MCUB: variants seen among roughly 807,000 people sequenced by gnomAD.
The protein encoded by MCUB is calcium uniporter regulatory subunit MCUb, mitochondrial.
A neutral mutation model predicts 41.4 loss-of-function variants in MCUB; 46 were observed. The observed-to-expected ratio is 1.11, with a 90% CI of 0.88 to 1.42. MCUB has a LOEUF of 1.42. MCUB is among the 40% of genes most tolerant of loss of function. The probability of loss-of-function intolerance (pLI) is 0.00; values close to 1 mark genes in which losing one functional copy is unlikely to be tolerated. For missense variants in MCUB, 403 were observed against 404.9 expected (o/e 1.00, Z 0.04); for synonymous variants, 148 against 148.2 (o/e 1.00, Z 0.01).
chr4:109,676,585 A>G (rs1302269945), intron 4 of MCUB, among the ~76,000 whole-genome samples: 1 of 152,176 alleles, frequency 6.6e-6, no homozygotes, highest in Non-Finnish European at 1.5e-5. Flanking sequence ...GCCTTTGCCC[A>G]TTACCAAATT....
chr4:109,602,327 G>A (rs1008884947), intron 1 of MCUB, among the ~76,000 whole-genome samples: 2 of 152,220 alleles, frequency 1.3e-5, no homozygotes, highest in African/African-American at 4.8e-5. Context: ...TTTTCTTGTA[G>A]TAGTTTTGTA....
intron 1 of MCUB, among the ~76,000 whole-genome samples, chr4:109,561,879 A>C (rs941557232): frequency 4.6e-5 from 7 of 151,976 alleles, no homozygotes; most frequent in African/African-American, 1.7e-4. Flanking sequence ...CTCCCCAGAA[A>C]ATAGGATGAC....
At position 109,578,470 on chromosome 4, in the gene MCUB, A is replaced by G. The variant is rs192034252; in HGVS notation, c.99+18034A>G. Among the ~76,000 whole-genome samples, 16 of 152,116 alleles carry G rather than the reference A, an allele frequency of 1.1e-4. 1 individual carries two copies. The highest frequency in any genetic ancestry group is 3.1e-4 in the African/African-American group (13 of 41,484). ...GGTAGTCGAGCCAGGACTTAAATCC[A>G]GGTCTTCATAATGAATCTCATACTT... On this transcript the variant is annotated intron_variant, in intron 1 of 7. Transcript: ENST00000394650.
At chr4:109,665,432 T>G (rs1729320644) in intron 4 of MCUB, among the ~76,000 whole-genome samples, 2 of 152,112 alleles carry the variant, frequency 1.3e-5, no homozygotes, top group African/African-American at 4.8e-5. Context: ...AAAGTTGCAG[T>G]TTTCAAGAAC....
At chr4:109,656,455 C>T (rs567426192) in intron 1 of MCUB, among the ~76,000 whole-genome samples, 2 of 144,200 alleles carry the variant, frequency 1.4e-5, no homozygotes, top group Non-Finnish European at 3.0e-5. Flanking sequence ...CGGTTCACTG[C>T]AGCCGCCTCC....
intron 1 of MCUB, among the ~76,000 whole-genome samples, chr4:109,585,765 T>C (rs1335138028): frequency 6.6e-6 from 1 of 152,248 alleles, no homozygotes; most frequent in South Asian, 2.1e-4. Context: ...TTAAGAATGT[T>C]GAATATTGGC....
At chr4:109,633,155 G>A (rs1214840091) in intron 1 of MCUB, among the ~76,000 whole-genome samples, 3 of 152,114 alleles carry the variant, frequency 2.0e-5, no homozygotes, top group Non-Finnish European at 4.4e-5. Context: ...TAACAGAAGC[G>A]ACAGAAGTGA....
intron 1 of MCUB, among the ~76,000 whole-genome samples, chr4:109,640,062 G>A (rs2126140032): frequency 6.6e-6 from 1 of 152,348 alleles, no homozygotes; most frequent in Middle Eastern, 3.4e-3. Context: ...AGTTCTTATA[G>A]GTTTGGGATA....
chr4:109,673,730 C>T (rs1484463613), intron 4 of MCUB: 22 of 501,592 alleles, frequency 4.4e-5, no homozygotes, highest in Non-Finnish European at 6.6e-5. Flanking sequence ...AAATTAAGTT[C>T]ACAAGGAAGA....
At chr4:109,612,245 C>A (rs528894346) in intron 1 of MCUB, among the ~76,000 whole-genome samples, 100 of 146,628 alleles carry the variant, frequency 6.8e-4, no homozygotes, top group African/African-American at 2.5e-3. Context: ...TCTGGTATTT[C>A]TTCCTCCTCC....
chr4:109,620,281 A>G (rs920800272), intron 1 of MCUB, among the ~76,000 whole-genome samples: 2 of 152,100 alleles, frequency 1.3e-5, no homozygotes, highest in African/African-American at 4.8e-5. Flanking sequence ...AACTTCAGCA[A>G]CAGGTCAGAG....
intron 1 of MCUB, among the ~76,000 whole-genome samples, chr4:109,600,868 C>T (rs755259408): frequency 3.3e-5 from 5 of 152,108 alleles, no homozygotes; most frequent in East Asian, 1.9e-4. Context: ...AATCTCAGCT[C>T]ACTGCAACCT....
chr4:109,634,480 T>C (rs1178287916), intron 1 of MCUB, among the ~76,000 whole-genome samples: 6 of 113,700 alleles, frequency 5.3e-5, no homozygotes, highest in African/African-American at 2.0e-4. Context: ...CGAAACTCTG[T>C]CTCAGAAAAA....
At chr4:109,594,142 C>G (rs1443579520) in intron 1 of MCUB, among the ~76,000 whole-genome samples, 4 of 152,214 alleles carry the variant, frequency 2.6e-5, no homozygotes, top group Non-Finnish European at 5.9e-5. Flanking sequence ...CCTGTCACTT[C>G]TCTTTCAAAT....
intron 5 of MCUB, 161 bp downstream of exon 5, chr4:109,682,903 C>T: frequency 3.5e-6 from 2 of 568,928 alleles, no homozygotes; most frequent in Non-Finnish European, 6.2e-6. Flanking sequence ...CCTCATTTTT[C>T]AGATGAGGAA....
intron 1 of MCUB, among the ~76,000 whole-genome samples, chr4:109,562,784 T>C (rs925342950): frequency 1.3e-5 from 2 of 152,206 alleles, no homozygotes; most frequent in African/African-American, 4.8e-5. Flanking sequence ...TCTATGAGTG[T>C]GCCTTATAGG....
intron 1 of MCUB, among the ~76,000 whole-genome samples, chr4:109,638,135 C>A (rs1728635141): frequency 6.6e-6 from 1 of 152,154 alleles, no homozygotes; most frequent in African/African-American, 2.4e-5. Context: ...GCAAGAGGAT[C>A]ACTTTAGCCC....
chr4:109,682,500 A>C (rs1171662999), intron 4 of MCUB, 82 bp from the exon 5 acceptor site: 1 of 1,114,456 alleles, frequency 9.0e-7, no homozygotes, highest in Non-Finnish European at 1.3e-6. Flanking sequence ...AATATTTGGA[A>C]AGAGAATTGG....
chr4:109,593,495 G>A (rs1482536140), intron 1 of MCUB, among the ~76,000 whole-genome samples: 1 of 152,176 alleles, frequency 6.6e-6, no homozygotes, highest in African/African-American at 2.4e-5. Context: ...CTGAGATCAC[G>A]CTGGGCCTTC....
Sources: gnomAD v4.1 joint callset for allele counts (sites outside exome capture counted in the v4.1 genomes callset) on GRCh38, gnomAD v4.1.1 for gene constraint, MANE v1.5 for transcripts, NCBI Gene and HGNC (gene_info 2026-07-23, HGNC 2026-07-21) for gene names.